The following RABGAP1L variants were observed in gnomAD, a reference collection of about 807,000 sequenced individuals.
RABGAP1L encodes RAB GTPase activating protein 1 like, also known as rab GTPase-activating protein 1-like.
A neutral mutation model predicts 137.7 loss-of-function variants in RABGAP1L; 63 were observed. That is an observed-to-expected ratio of 0.46 (90% confidence interval 0.37 to 0.56). The LOEUF is 0.56. RABGAP1L is among the 20% of genes least tolerant of loss of function. The pLI is 0.00. For missense variants in RABGAP1L, 1,095 were observed against 1,244.0 expected (o/e 0.88, Z 1.80); for synonymous variants, 431 against 433.7 (o/e 0.99, Z 0.08).
intron 19 of RABGAP1L, among the ~76,000 whole-genome samples, chr1:174,834,085 G>A (rs76883885): frequency 1.4e-4 from 22 of 152,202 alleles, no homozygotes; most frequent in South Asian, 2.1e-4. Flanking sequence ...AAAATAAGGA[G>A]CATTTTTAGA....
At chr1:174,919,209 G>T (rs1661413617) in intron 19 of RABGAP1L, among the ~76,000 whole-genome samples, 2 of 152,052 alleles carry the variant, frequency 1.3e-5, no homozygotes, top group African/African-American at 4.8e-5. Context: ...GTAGAGACGG[G>T]GTTTCTCCAT....
At chr1:174,162,753 C>CT (rs971302832) in intron 1 of RABGAP1L, among the ~76,000 whole-genome samples, 144 of 37,184 alleles carry the variant, frequency 3.9e-3, no homozygotes, top group African/African-American at 7.0e-3. Context: ...GCTGGTATTT[C>CT]TTTTTTTTTT....
At chr1:174,502,748 C>A (rs980291886) in intron 13 of RABGAP1L, among the ~76,000 whole-genome samples, 1 of 150,452 alleles carries the variant, frequency 6.6e-6, no homozygotes, top group Non-Finnish European at 1.5e-5. Flanking sequence ...ATTTATATTC[C>A]AGAATATTCC....
chr1:174,272,993 T>G (rs929488686), intron 8 of RABGAP1L, among the ~76,000 whole-genome samples: 2 of 152,040 alleles, frequency 1.3e-5, no homozygotes, highest in African/African-American at 4.8e-5. Flanking sequence ...ATTCAACAGT[T>G]GATATTTAGT....
rs2148912779 is a variant in RABGAP1L, at chr1:174,831,315, G to A, written c.2340+19355G>A. On this transcript the variant is annotated intron_variant, in intron 19 of 25. Coordinates refer to ENST00000681986, the MANE Select transcript of RABGAP1L (RefSeq NM_001366446.1). ...TACCTACATTCTTAGCCAAGATACA[G>A]CAGCAGCTGACCTTTAAATTCATAT... 1.3e-5 allele frequency among the ~76,000 whole-genome samples: 2 copies of A among 148,302 alleles called. 1 individual carries two copies. The highest frequency in any genetic ancestry group is 4.2e-4 in the East Asian group (2 of 4,748).
At chr1:174,469,026 T>G (rs780987267) in intron 13 of RABGAP1L, among the ~76,000 whole-genome samples, 1 of 152,200 alleles carries the variant, frequency 6.6e-6, no homozygotes, top group Admixed American at 6.5e-5. Context: ...ATTAGCAAAA[T>G]GTTTTATACA....
intron 13 of RABGAP1L, among the ~76,000 whole-genome samples, chr1:174,422,816 A>C (rs977884367): frequency 6.6e-6 from 1 of 151,958 alleles, no homozygotes; most frequent in Non-Finnish European, 1.5e-5. Context: ...GTGTGATAGC[A>C]CACATCTGTA....
intron 19 of RABGAP1L, among the ~76,000 whole-genome samples, chr1:174,892,057 A>C (rs768198034): frequency 1.4e-4 from 21 of 152,248 alleles, no homozygotes; most frequent in Non-Finnish European, 2.4e-4. Flanking sequence ...CCGGGTGGGC[A>C]TGGTGGCCGC....
rs148867931 is a variant in RABGAP1L at position 174,336,853 on chromosome 1, ATGTG to A, written c.1465+31755_1465+31758del. Among the ~76,000 whole-genome samples, 449 of 146,544 alleles carry A rather than the reference ATGTG, an allele frequency of 3.1e-3. 3 individuals carry two copies. The highest frequency in any genetic ancestry group is 0.021 in the South Asian group (97 of 4,548). On this transcript the variant is annotated intron_variant, in intron 11 of 25. Transcript: ENST00000681986. ...TACCAGATAATTTCAGTGTTTATAAATGTGTGTGTGTGTGTGTGTGTGTGTGTGT... is the reference window on the plus strand; with the variant it reads ...TACCAGATAATTTCAGTGTTTATAAATGTGTGTGTGTGTGTGTGTGTGTGT...
At chr1:174,811,579 A>G (rs1220753858) in intron 18 of RABGAP1L, among the ~76,000 whole-genome samples, 4 of 152,130 alleles carry the variant, frequency 2.6e-5, no homozygotes, top group Non-Finnish European at 5.9e-5. Context: ...TCTAATTTTC[A>G]GGTAATATGA....
intron 19 of RABGAP1L, chr1:174,897,840 G>A (rs1434924579): frequency 2.0e-5 from 3 of 152,006 alleles, no homozygotes; most frequent in Non-Finnish European, 4.4e-5. Flanking sequence ...AAATTAGCCA[G>A]TTTGGTTGCA....
At chr1:174,435,973 A>G (rs933100932) in intron 13 of RABGAP1L, among the ~76,000 whole-genome samples, 2 of 152,150 alleles carry the variant, frequency 1.3e-5, no homozygotes, top group African/African-American at 2.4e-5. Flanking sequence ...TGTCCCTACA[A>G]AGGACATGAA....
At chr1:174,670,278 G>A (rs61826953) in intron 14 of RABGAP1L, among the ~76,000 whole-genome samples, 13,531 of 151,688 alleles carry the variant, frequency 0.089, 805 homozygotes, top group East Asian at 0.22. Context: ...TACATAGTGG[G>A]TGTATATATT....
At chr1:174,491,972 T>C (rs1051553334) in intron 13 of RABGAP1L, among the ~76,000 whole-genome samples, 1 of 152,192 alleles carries the variant, frequency 6.6e-6, no homozygotes, top group South Asian at 2.1e-4. Flanking sequence ...ATGATTGTGT[T>C]GGCAGTTCAA....
At chr1:174,596,099 G>A (rs1669880966) in intron 13 of RABGAP1L, among the ~76,000 whole-genome samples, 1 of 129,832 alleles carries the variant, frequency 7.7e-6, no homozygotes, top group Admixed American at 7.6e-5. Context: ...CAATATTCGG[G>A]TGGGAGTGAC....
intron 13 of RABGAP1L, among the ~76,000 whole-genome samples, chr1:174,411,448 T>C (rs1054671490): frequency 6.6e-6 from 1 of 152,140 alleles, no homozygotes; most frequent in Non-Finnish European, 1.5e-5. Flanking sequence ...TGAAGGGATG[T>C]TGGATTTTAT....
chr1:174,186,157 A>G (rs1455392690), intron 1 of RABGAP1L, among the ~76,000 whole-genome samples: 3 of 152,220 alleles, frequency 2.0e-5, no homozygotes, highest in African/African-American at 7.2e-5. Context: ...AAAAAAAAAA[A>G]AAAAATTTCT....
At chr1:174,645,158 T>G (rs1674859396) in intron 14 of RABGAP1L, among the ~76,000 whole-genome samples, 1 of 152,082 alleles carries the variant, frequency 6.6e-6, no homozygotes, top group South Asian at 2.1e-4. Context: ...ATATATCACA[T>G]AACGTTGTGT....
chr1:174,773,163 G>GGGGTGTGTGTGTGTGTGTGTGT (rs10529487), intron 18 of RABGAP1L, among the ~76,000 whole-genome samples: 1 of 149,548 alleles, frequency 6.7e-6, no homozygotes, highest in Non-Finnish European at 1.5e-5. Context: ...TAAGCTATGG[G>GGGGTGTGTGTGTGTGTGTGTGT]GTGTGTGTGT....
Sources: allele counts gnomAD v4.1 joint callset (sites outside exome capture counted in the v4.1 genomes callset), GRCh38; gene constraint gnomAD v4.1.1; transcripts MANE v1.5; gene names NCBI Gene and HGNC (gene_info 2026-07-23, HGNC 2026-07-21).